Variants in FAT3 observed in about 807,000 individuals in gnomAD.
The protein encoded by FAT3 is protocadherin Fat 3.
FAT3 carries 95 observed loss-of-function variants against 310.2 expected under a neutral mutation model. That is an observed-to-expected ratio of 0.31 (90% CI 0.26 to 0.36). FAT3 has a LOEUF of 0.36. Among genes scored for constraint, FAT3 ranks in the 10% least tolerant of loss-of-function variants. The pLI, the probability that FAT3 is intolerant of heterozygous loss-of-function variation, is 1.00. For synonymous variants in FAT3, 2,314 were observed against 2,192.9 expected (o/e 1.06, Z -1.54); for missense variants, 5,408 against 5,715.6 (o/e 0.95, Z 1.74).
chr11:92,802,666 A>G (rs1947393979), intron 10 of FAT3, among the ~76,000 whole-genome samples: 1 of 152,008 alleles, frequency 6.6e-6, no homozygotes, highest in Non-Finnish European at 1.5e-5. Context: ...CCTAAAAACT[A>G]TTTGGGGGGT....
intron 1 of FAT3, among the ~76,000 whole-genome samples, chr11:92,324,539 T>C (rs1947715410): frequency 1.3e-5 from 2 of 152,330 alleles, no homozygotes; most frequent in African/African-American, 2.4e-5. Flanking sequence ...CCTTCTTATA[T>C]GGGTGTGGTT....
chr11:92,656,030 G>GTGAGATACT (rs1427562251), intron 3 of FAT3, among the ~76,000 whole-genome samples: 1 of 152,174 alleles, frequency 6.6e-6, no homozygotes, highest in African/African-American at 2.4e-5. Flanking sequence ...GGATGGGGCT[G>GTGAGATACT]TGAGATACTT....
At chr11:92,611,741 G>T (rs777803405) in intron 3 of FAT3, among the ~76,000 whole-genome samples, 12 of 152,146 alleles carry the variant, frequency 7.9e-5, no homozygotes, top group Non-Finnish European at 1.8e-4. Flanking sequence ...GAATTATAGG[G>T]GGAGAGAGGA....
intron 4 of FAT3, among the ~76,000 whole-genome samples, chr11:92,754,351 C>T (rs967155990): frequency 6.6e-6 from 1 of 151,632 alleles, no homozygotes; most frequent in Admixed American, 6.6e-5. Flanking sequence ...ATCGGCCGGG[C>T]GCGATGGCTC....
At chr11:92,695,304 G>C (rs1246429137) in intron 3 of FAT3, among the ~76,000 whole-genome samples, 1 of 152,152 alleles carries the variant, frequency 6.6e-6, no homozygotes, top group African/African-American at 2.4e-5. Context: ...CAGTAAATGA[G>C]GGATGGAGCA....
intron 3 of FAT3, among the ~76,000 whole-genome samples, chr11:92,576,495 T>G (rs1938493368): frequency 6.6e-6 from 1 of 152,150 alleles, no homozygotes; most frequent in Non-Finnish European, 1.5e-5. Context: ...TGTTCTTACT[T>G]TAGTAAGTAC....
intron 3 of FAT3, among the ~76,000 whole-genome samples, chr11:92,578,498 C>G (rs180916450): frequency 1.2e-4 from 18 of 152,236 alleles, no homozygotes; most frequent in African/African-American, 4.3e-4. Flanking sequence ...AAGTGGTAAC[C>G]TGTGTCTTCA....
intron 1 of FAT3, among the ~76,000 whole-genome samples, chr11:92,235,243 TTC>T (rs1466084399): frequency 6.6e-6 from 1 of 152,234 alleles, no homozygotes; most frequent in East Asian, 1.9e-4. Flanking sequence ...CTCTGCCTTT[TTC>T]TCTCTTTGGT....
chr11:92,840,771 C>T lies in FAT3; in HGVS notation c.10566+12C>T. On this transcript the variant is annotated intron_variant, in intron 18 of 27. Coordinates refer to ENST00000525166, the MANE Select transcript of FAT3 (RefSeq NM_001367949.2). ...TGTTGTGTGTCCAGGTATGGCATCG[C>T]ACTCTGTCTCCGTCGTGCTGTCTTT... 6.5e-7 allele frequency: 1 copy of T among 1,545,134 alleles called. No homozygotes were observed. The highest frequency in any genetic ancestry group is 8.8e-7 in the Non-Finnish European group (1 of 1,133,012).
At chr11:92,312,747 C>T (rs1054989045) in intron 1 of FAT3, among the ~76,000 whole-genome samples, 1 of 152,148 alleles carries the variant, frequency 6.6e-6, no homozygotes, top group Non-Finnish European at 1.5e-5. Flanking sequence ...ACTCTTGAAG[C>T]ACCTAGATCC....
intron 3 of FAT3, among the ~76,000 whole-genome samples, chr11:92,551,803 G>GAAAACA (rs1223652134): frequency 6.6e-6 from 1 of 152,008 alleles, no homozygotes; most frequent in Non-Finnish European, 1.5e-5. Context: ...GTTTCTTTAA[G>GAAAACA]AAAACAAAAA....
chr11:92,551,402 G>GTT (rs1244683837), intron 3 of FAT3, among the ~76,000 whole-genome samples: 61 of 54,718 alleles, frequency 1.1e-3, no homozygotes, highest in African/African-American at 3.3e-3. Context: ...TTGGTCCCAT[G>GTT]TTTTTTTTGT....
chr11:92,663,942 C>A (rs1942874538), intron 3 of FAT3, among the ~76,000 whole-genome samples: 1 of 152,150 alleles, frequency 6.6e-6, no homozygotes, highest in Non-Finnish European at 1.5e-5. Context: ...AAACCCTGCT[C>A]CTTAGAATAT....
At chr11:92,564,428 A>G (rs2135480581) in intron 3 of FAT3, among the ~76,000 whole-genome samples, 1 of 150,544 alleles carries the variant, frequency 6.6e-6, no homozygotes, top group South Asian at 2.2e-4. Context: ...ACTCCCACAC[A>G]TTAATAATGG....
At chr11:92,261,575 A>AT (rs1469783812) in intron 1 of FAT3, among the ~76,000 whole-genome samples, 2 of 152,042 alleles carry the variant, frequency 1.3e-5, no homozygotes, top group African/African-American at 4.8e-5. Flanking sequence ...TAACTGTGTG[A>AT]TTTTTTAGCT....
chr11:92,733,723 G>GC (rs1945255847), intron 4 of FAT3, among the ~76,000 whole-genome samples: 1 of 152,104 alleles, frequency 6.6e-6, no homozygotes, highest in African/African-American at 2.4e-5. Flanking sequence ...TGTTTTAGAT[G>GC]CAAGGGGGGC....
rs191325913 is a variant in FAT3, at chr11:92,616,345, G to A, written c.3608-81039G>A. Among the ~76,000 whole-genome samples, 64 of 147,046 alleles carry A rather than the reference G, an allele frequency of 4.4e-4. No homozygotes were observed. In the East Asian group the frequency reaches 8.5e-3, roughly 20 times the overall value. On this transcript the variant is annotated intron_variant, in intron 3 of 27. Coordinates refer to ENST00000525166, the MANE Select transcript of FAT3 (RefSeq NM_001367949.2). ...CCATTTGCTTGGTACATCTTCCTCC[G>A]TCCCTTTATTTTGAGCCTGTGTGTG...
intron 2 of FAT3, among the ~76,000 whole-genome samples, chr11:92,422,046 G>A (rs1200122427): frequency 6.6e-6 from 1 of 152,172 alleles, no homozygotes; most frequent in East Asian, 1.9e-4. Flanking sequence ...CTGTAAGTGA[G>A]CAAACCTTTA....
chr11:92,768,336 C>T (rs1388670781), intron 6 of FAT3, among the ~76,000 whole-genome samples: 2 of 152,174 alleles, frequency 1.3e-5, no homozygotes, highest in South Asian at 2.1e-4. Context: ...TATTTCCATC[C>T]CCACATCCAG....
Sources: allele counts gnomAD v4.1 joint callset (sites outside exome capture counted in the v4.1 genomes callset), GRCh38; gene constraint gnomAD v4.1.1; transcripts MANE v1.5; gene names NCBI Gene and HGNC (gene_info 2026-07-23, HGNC 2026-07-21).